Variants in DIS3L2 observed in about 807,000 individuals in gnomAD.
The protein encoded by DIS3L2 is DIS3 like 3'-5' exoribonuclease 2, also known as DIS3-like exonuclease 2.
Under a neutral mutation model 97.5 loss-of-function variants are expected in DIS3L2, and 34 were observed. That is an observed-to-expected ratio of 0.35 (90% CI 0.27 to 0.46). The LOEUF (loss-of-function observed/expected upper bound fraction) is 0.46, where lower values mean the gene tolerates loss of function less well. DIS3L2 is among the 20% of genes least tolerant of loss of function. The probability of loss-of-function intolerance (pLI) is 1.00; values close to 1 mark genes in which losing one functional copy is unlikely to be tolerated. For synonymous variants in DIS3L2, 435 were observed against 445.2 expected (o/e 0.98, Z 0.29); for missense variants, 1,038 against 1,146.0 (o/e 0.91, Z 1.36).
intron 9 of DIS3L2, among the ~76,000 whole-genome samples, chr2:232,170,466 G>A (rs566733673): frequency 6.6e-6 from 1 of 152,204 alleles, no homozygotes; most frequent in South Asian, 2.1e-4. Context: ...GGTTTCTATA[G>A]CTTTTTACAA....
At chr2:232,272,359 T>TA (rs1250966697) in intron 13 of DIS3L2, among the ~76,000 whole-genome samples, 2 of 152,124 alleles carry the variant, frequency 1.3e-5, no homozygotes, top group Admixed American at 1.3e-4. Context: ...GTATGTACTT[T>TA]AAAAAACACC....
chr2:232,093,673 A>G (rs1162363367), intron 6 of DIS3L2, among the ~76,000 whole-genome samples: 6 of 152,118 alleles, frequency 3.9e-5, no homozygotes, highest in Admixed American at 2.0e-4. Flanking sequence ...TTATTGGTAT[A>G]TAGTTTCTCA....
chr2:232,053,548 G>C (rs1204170416), intron 5 of DIS3L2, among the ~76,000 whole-genome samples: 1 of 152,200 alleles, frequency 6.6e-6, no homozygotes, highest in Non-Finnish European at 1.5e-5. Flanking sequence ...CCAGGTGCCA[G>C]TCACAGTCCG....
At chr2:232,036,270 A>T (rs369569985) in intron 5 of DIS3L2, among the ~76,000 whole-genome samples, 8 of 151,994 alleles carry the variant, frequency 5.3e-5, no homozygotes, top group Admixed American at 3.3e-4. Flanking sequence ...TATTAAGTTG[A>T]TCTTCAGTCC....
intron 10 of DIS3L2, among the ~76,000 whole-genome samples, chr2:232,226,809 G>T (rs1365580299): frequency 6.6e-6 from 1 of 152,038 alleles, no homozygotes; most frequent in Non-Finnish European, 1.5e-5. Flanking sequence ...TCTCTACAAA[G>T]AATTAAAAAA....
intron 1 of DIS3L2, chr2:231,978,520 A>T (rs1693159562): frequency 6.6e-6 from 1 of 152,206 alleles, no homozygotes; most frequent in African/African-American, 2.4e-5. Flanking sequence ...ATTTTGTAGT[A>T]ATTTTCCTTA....
intron 14 of DIS3L2, among the ~76,000 whole-genome samples, chr2:232,308,808 G>A (rs1218691556): frequency 6.6e-6 from 1 of 152,194 alleles, no homozygotes; most frequent in African/African-American, 2.4e-5. Context: ...AGCCTGCTTG[G>A]CATCCCCCGG....
downstream of DIS3L2, chr2:232,339,679 G>A: frequency 2.2e-6 from 1 of 456,288 alleles, no homozygotes. Flanking sequence ...CAGCTGGGCA[G>A]TAGAACACTG....
rs1693764188 is a variant in DIS3L2, at chr2:232,263,260, C to T, written c.1479C>T (p.Ser493=). ...TCATCCGCTCCTGCACCAAACTTAG[C>T]TACGAGCATGCACAGAGCATGATTG... The part of the protein sequence containing the change: ...RTIIRSCTKL[S]YEHAQSMIES... Residue 493 remains serine, a synonymous_variant, in exon 13 of 21, where the codon AGC becomes AGT. Coordinates refer to ENST00000325385, the MANE Select transcript of DIS3L2 (RefSeq NM_152383.5). 3 of 1,614,226 alleles carry T rather than the reference C, an allele frequency of 1.9e-6. No individual in the cohort carries two copies. In the East Asian group the frequency reaches 6.7e-5, roughly 36 times the overall value.
At chr2:231,993,453 A>G (rs1387700259) in intron 1 of DIS3L2, among the ~76,000 whole-genome samples, 3 of 152,054 alleles carry the variant, frequency 2.0e-5, no homozygotes. Flanking sequence ...ACCTGAGGTG[A>G]TCCACCTGCC....
intron 4 of DIS3L2, among the ~76,000 whole-genome samples, chr2:232,024,546 A>G (rs1694607279): frequency 6.6e-6 from 1 of 152,222 alleles, no homozygotes; most frequent in Non-Finnish European, 1.5e-5. Context: ...AAGGGATGGC[A>G]TTTGTTACAA....
downstream of DIS3L2, among the ~76,000 whole-genome samples, chr2:232,338,354 G>T (rs1279002242): frequency 2.0e-5 from 3 of 152,202 alleles, no homozygotes; most frequent in African/African-American, 7.2e-5. Flanking sequence ...CCCCAGTGAG[G>T]AGTAGCCAGG....
At chr2:232,136,423 A>G (rs1698359696) in intron 7 of DIS3L2, 49 bp from the exon 8 acceptor site, 1 of 1,602,108 alleles carries the variant, frequency 6.2e-7, no homozygotes, top group African/African-American at 1.3e-5. Context: ...CCCAAGTGTA[A>G]TTCAGTTCTG....
At chr2:232,021,597 A>AT (rs957627949) in intron 3 of DIS3L2, among the ~76,000 whole-genome samples, 23 of 151,968 alleles carry the variant, frequency 1.5e-4, no homozygotes, top group African/African-American at 5.3e-4. Flanking sequence ...AAGTCCCAAA[A>AT]ATATATATAG....
chr2:232,210,243 C>A (rs1157663797), intron 9 of DIS3L2, 83 bp from the exon 10 acceptor site: 8 of 1,093,148 alleles, frequency 7.3e-6, no homozygotes, highest in Non-Finnish European at 1.1e-5. Flanking sequence ...ATGCAAAATT[C>A]ACTGTTCTTT....
At chr2:232,213,974 C>T (rs1692265637) in intron 10 of DIS3L2, among the ~76,000 whole-genome samples, 1 of 152,112 alleles carries the variant, frequency 6.6e-6, no homozygotes, top group Non-Finnish European at 1.5e-5. Flanking sequence ...TACTGGTTTC[C>T]AACCTGGTAA....
At chr2:232,233,045 CTA>C (rs1692838324) in intron 10 of DIS3L2, among the ~76,000 whole-genome samples, 1 of 152,144 alleles carries the variant, frequency 6.6e-6, no homozygotes, top group Non-Finnish European at 1.5e-5. Flanking sequence ...TCAGATGCTG[CTA>C]TAAGGTCAGG....
At chr2:231,965,922 G>A (rs1248018586) in intron 1 of DIS3L2, among the ~76,000 whole-genome samples, 1 of 152,082 alleles carries the variant, frequency 6.6e-6, no homozygotes, top group South Asian at 2.1e-4. Flanking sequence ...GGGCTCAGGC[G>A]ATCCTCCTGC....
At chr2:232,297,762 G>A (rs1694758248) in intron 13 of DIS3L2, among the ~76,000 whole-genome samples, 1 of 148,766 alleles carries the variant, frequency 6.7e-6, no homozygotes, top group African/African-American at 2.5e-5. Flanking sequence ...GAATGCAGTG[G>A]CAAAATCTGG....
Sources: allele counts gnomAD v4.1 joint callset (sites outside exome capture counted in the v4.1 genomes callset), GRCh38; gene constraint gnomAD v4.1.1; transcripts MANE v1.5; gene names NCBI Gene and HGNC (gene_info 2026-07-23, HGNC 2026-07-21).